The following SLC43A2 variants were observed in gnomAD, a reference collection of about 807,000 sequenced individuals.
SLC43A2 encodes the protein large neutral amino acids transporter small subunit 4.
Under a neutral mutation model 63.2 loss-of-function variants are expected in SLC43A2, and 38 were observed. The observed-to-expected ratio is 0.60, with a 90% CI of 0.46 to 0.79. The LOEUF (loss-of-function observed/expected upper bound fraction) is 0.79, where lower values mean the gene tolerates loss of function less well. SLC43A2 is among the 30% of genes least tolerant of loss of function. The pLI is 0.00. For synonymous variants in SLC43A2, 322 were observed against 331.0 expected (o/e 0.97, Z 0.30); for missense variants, 644 against 756.2 (o/e 0.85, Z 1.74).
At chr17:1,628,871 C>T (rs1347904201), upstream of SLC43A2, 2 of 152,224 alleles carry the variant, frequency 1.3e-5, no homozygotes, top group East Asian at 3.9e-4. Context: ...ATTCCGACCC[C>T]AAGAAGAAAA....
At chr17:1,581,420 G>A (rs2076011963) in intron 11 of SLC43A2, among the ~76,000 whole-genome samples, 1 of 152,252 alleles carries the variant, frequency 6.6e-6, no homozygotes, top group African/African-American at 2.4e-5. Context: ...GAGGGATGCA[G>A]CACCCCCTGG....
At chr17:1,575,829 C>T in intron 13 of SLC43A2, 64 bp from the exon 14 acceptor site, 4 of 1,518,478 alleles carry the variant, frequency 2.6e-6, no homozygotes, top group Non-Finnish European at 1.8e-6. Context: ...CAGACCCGCC[C>T]TCCACTCGGG....
rs1192739966 is a variant in SLC43A2, at chr17:1,575,380, CAA to C, written c.*222_*223del. 1 of 600,618 alleles carries C rather than the reference CAA, an allele frequency of 1.7e-6. No individual in the cohort carries two copies. Among genetic ancestry groups the C allele is most frequent in the Non-Finnish European group, 2.9e-6 (1 of 350,416 alleles). 37.2% of individuals were successfully genotyped at this position (600,618 alleles called of 1,614,324 possible). Reference sequence around the variant, plus strand: ...CCCGGGTCCCCGGGGGGCGGCAGAGCAAAGTCAGGGCAGCCCCTGCGTTCGGC... The same window carrying C: ...CCCGGGTCCCCGGGGGGCGGCAGAGCAGTCAGGGCAGCCCCTGCGTTCGGC... On this transcript the variant is annotated 3_prime_UTR_variant, in exon 14 of 14. Coordinates refer to ENST00000301335, the MANE Select transcript of SLC43A2 (RefSeq NM_152346.3).
rs541340038 is a variant in SLC43A2 at position 1,594,303 on chromosome 17, T to C, written c.502-1024A>G. 2.3e-4 allele frequency among the ~76,000 whole-genome samples: 35 copies of C among 152,290 alleles called. 1 individual carries two copies. The highest frequency in any genetic ancestry group is 4.4e-4 in the Non-Finnish European group (30 of 68,020). On this transcript the variant is annotated intron_variant, in intron 5 of 13. Coordinates refer to ENST00000301335, the MANE Select transcript of SLC43A2 (RefSeq NM_152346.3). ...GGTACAGGGCAAGAGGGGGCCCACC[T>C]GAACAGGACTTCAAGGCTAACTCTT...
chr17:1,572,171 CT>C lies in SLC43A2; in HGVS notation c.*3432del, dbSNP rs1334254670. On this transcript the variant is annotated 3_prime_UTR_variant, in exon 14 of 14. Transcript: ENST00000301335. ...GATTCCATGCAGTAGCTCTCTCCCC[CT>C]CTTCTGAGAAGGCTCTTGGCTCCCA... The C allele has an allele frequency of 1.3e-5, 2 of 152,536 alleles. No individual in the cohort carries two copies. Among genetic ancestry groups the C allele is most frequent in the Admixed American group, 6.5e-5 (1 of 15,282 alleles). The allele number at this position is 152,536 out of a possible 1,614,324, so 9.4% of individuals were successfully genotyped here.
In SLC43A2 at chr17:1,594,604, T is replaced by A. The variant is rs76515566; in HGVS notation, c.502-1325A>T. 6.8e-5 allele frequency among the ~76,000 whole-genome samples: 10 copies of A among 146,292 alleles called. 1 individual carries two copies. The highest frequency in any genetic ancestry group is 2.5e-4 in the African/African-American group (10 of 39,936). On this transcript the variant is annotated intron_variant, in intron 5 of 13. Coordinates refer to ENST00000301335, the MANE Select transcript of SLC43A2 (RefSeq NM_152346.3). ...TTTCTTTCTTTCTTTTTTTTTTTTTTTGAGACGGAGTCTCGCTCTTTCGCC... is the reference window on the plus strand; with the variant it reads ...TTTCTTTCTTTCTTTTTTTTTTTTTATGAGACGGAGTCTCGCTCTTTCGCC...
Position 1,600,398 on chromosome 17 carries a change from G to A in SLC43A2, c.502-7119C>T, listed in dbSNP as rs548345076. ...ACTCTTGACCTCAAGTGATCCGCCCGCCTCAGCCTCCCAAAATGCTGGGAT... is the reference window on the plus strand; with the variant it reads ...ACTCTTGACCTCAAGTGATCCGCCCACCTCAGCCTCCCAAAATGCTGGGAT... On this transcript the variant is annotated intron_variant, in intron 5 of 13. Transcript: ENST00000301335. 1.3e-4 allele frequency among the ~76,000 whole-genome samples: 20 copies of A among 148,976 alleles called. No homozygotes were observed. In the South Asian group the frequency reaches 2.1e-3, roughly 16 times the overall value.
chr17:1,608,395 GTT>G (rs1055697933), intron 5 of SLC43A2, among the ~76,000 whole-genome samples: 1 of 151,598 alleles, frequency 6.6e-6, no homozygotes, highest in Admixed American at 6.6e-5. Flanking sequence ...TGGTTTGTGT[GTT>G]TTGTTTTTTT....
upstream of SLC43A2, chr17:1,628,944 C>G (rs957225690): frequency 6.6e-6 from 1 of 152,276 alleles, no homozygotes; most frequent in Admixed American, 6.5e-5. Flanking sequence ...CAGCAGCCAG[C>G]CCCCCGCCCG....
intron 5 of SLC43A2, chr17:1,604,895 C>T: frequency 6.5e-7 from 1 of 1,534,830 alleles, no homozygotes; most frequent in East Asian, 2.4e-5. Context: ...TCCCTGCCTC[C>T]ACCGGTCTCA....
Position 1,593,537 on chromosome 17 carries a change from A to G in SLC43A2, c.502-258T>C, listed in dbSNP as rs1218134305. On this transcript the variant is annotated intron_variant, in intron 5 of 13. Coordinates refer to ENST00000301335, the MANE Select transcript of SLC43A2 (RefSeq NM_152346.3). This position sits in a 1 kb window ranked among gnomAD's most constrained non-coding sequence, Gnocchi z 5.3. ...GACTTTCCGGCTGGCAACCCTCCCT[A>G]TCTCTCTGCTCCTGGCAGAGCCCAG... Among the ~76,000 whole-genome samples, 3 of 152,132 alleles carry G rather than the reference A, an allele frequency of 2.0e-5. No homozygotes were observed. The highest frequency in any genetic ancestry group is 4.4e-5 in the Non-Finnish European group (3 of 68,002).
intron 3 of SLC43A2, among the ~76,000 whole-genome samples, chr17:1,615,842 CAATAAATA>C (rs55746555): frequency 6.1e-4 from 72 of 118,846 alleles, no homozygotes; most frequent in African/African-American, 1.5e-3. Context: ...GACTCCATCT[CAATAAATA>C]AATAAATAAA....
intron 5 of SLC43A2, among the ~76,000 whole-genome samples, chr17:1,607,612 T>A (rs1299114696): frequency 6.6e-6 from 1 of 151,958 alleles, no homozygotes; most frequent in East Asian, 1.9e-4. Context: ...TGGGTGTGAA[T>A]GGTGGGTGTC....
At chr17:1,586,936 A>ACCCCC in intron 9 of SLC43A2, 1 of 501,650 alleles carries the variant, frequency 2.0e-6, no homozygotes, top group Admixed American at 3.4e-5. Context: ...AATCCCCCCC[A>ACCCCC]CCCCCCGCTT....
chr17:1,621,252 G>A lies in SLC43A2; in HGVS notation c.161-4483C>T, dbSNP rs112559514. Reference sequence around the variant, plus strand: ...GCAAAGAGGAGCCTCCCCACACCCCGGGGAGACAAAGGGAGGGGGGCCTCC... The same window carrying A: ...GCAAAGAGGAGCCTCCCCACACCCCAGGGAGACAAAGGGAGGGGGGCCTCC... On this transcript the variant is annotated intron_variant, in intron 2 of 13. Transcript: ENST00000301335. 3.3e-3 allele frequency among the ~76,000 whole-genome samples: 506 copies of A among 152,258 alleles called. 1 individual carries two copies. Among genetic ancestry groups the A allele is most frequent in the African/African-American group, 0.012 (483 of 41,560 alleles).
rs200828650 is a variant in SLC43A2, at chr17:1,582,051, T to C, written c.1350+1153A>G. On this transcript the variant is annotated intron_variant, in intron 11 of 13. Coordinates refer to ENST00000301335, the MANE Select transcript of SLC43A2 (RefSeq NM_152346.3). ...CAAACTCCTGACCTCGTGATCCACC[T>C]GCCTCAGCCTCCCAAAGTGTTTTGG... Among the ~76,000 whole-genome samples, 8 of 151,374 alleles carry C rather than the reference T, an allele frequency of 5.3e-5. No individual in the cohort carries two copies. In the East Asian group the frequency reaches 1.6e-3, roughly 30 times the overall value.
chr17:1,622,564 CA>C (rs1430269140), intron 2 of SLC43A2, among the ~76,000 whole-genome samples: 7,393 of 125,438 alleles, frequency 0.059, 571 homozygotes, highest in African/African-American at 0.19. Context: ...GACTCTGTCT[CA>C]AAAAAAAAAA....
At chr17:1,618,270 C>A (rs1304406874) in intron 2 of SLC43A2, among the ~76,000 whole-genome samples, 6 of 152,238 alleles carry the variant, frequency 3.9e-5, no homozygotes. Context: ...TTTCTACCTG[C>A]ATGACCTTGC....
intron 3 of SLC43A2, 141 bp downstream of exon 3, chr17:1,616,421 G>A (rs1907668991): frequency 2.5e-6 from 2 of 784,946 alleles, no homozygotes; most frequent in Non-Finnish European, 2.0e-6. Context: ...GGCGGACGGG[G>A]TAGGAACTCC....
Sources: allele counts gnomAD v4.1 joint callset (sites outside exome capture counted in the v4.1 genomes callset), GRCh38; gene constraint gnomAD v4.1.1; non-coding constraint Gnocchi (gnomAD v3.1); transcripts MANE v1.5; gene names NCBI Gene and HGNC (gene_info 2026-07-23, HGNC 2026-07-21).